CBLB: variants seen among roughly 807,000 people sequenced by gnomAD.
The protein encoded by CBLB is E3 ubiquitin-protein ligase CBL-B.
A neutral mutation model predicts 104.9 loss-of-function variants in CBLB; 31 were observed. The observed-to-expected ratio is 0.30, with a 90% CI of 0.22 to 0.40. CBLB has a LOEUF of 0.40. CBLB is among the 10% of genes least tolerant of loss of function. The pLI is 1.00. For missense variants in CBLB, 1,062 were observed against 1,214.6 expected, an observed-to-expected ratio of 0.87 and a Z score of 1.87; for synonymous variants, 440 against 422.6, an observed-to-expected ratio of 1.04 and a Z score of -0.51.
chr3:105,764,363 G>A (rs1442329756), intron 4 of CBLB, among the ~76,000 whole-genome samples: 2 of 152,162 alleles, frequency 1.3e-5, no homozygotes, highest in African/African-American at 4.8e-5. Flanking sequence ...TGGCACACAG[G>A]TCTAGCCAAT....
chr3:105,663,719 G>A (rs993559189), intron 18 of CBLB, among the ~76,000 whole-genome samples: 2 of 152,048 alleles, frequency 1.3e-5, no homozygotes, highest in East Asian at 3.9e-4. Flanking sequence ...GATTACTCTA[G>A]GTCATACATT....
At chr3:105,846,133 T>A (rs1438444769) in intron 3 of CBLB, among the ~76,000 whole-genome samples, 1 of 152,080 alleles carries the variant, frequency 6.6e-6, no homozygotes, top group Non-Finnish European at 1.5e-5. Context: ...ATGTATATGT[T>A]TATATCAAAA....
intron 3 of CBLB, among the ~76,000 whole-genome samples, chr3:105,848,752 G>C (rs2090590255): frequency 6.6e-6 from 1 of 152,058 alleles, no homozygotes; most frequent in Non-Finnish European, 1.5e-5. Context: ...TACTATTACT[G>C]TCCTTCATTT....
intron 10 of CBLB, among the ~76,000 whole-genome samples, chr3:105,704,842 T>G (rs116158643): frequency 6.6e-6 from 1 of 152,156 alleles, no homozygotes; most frequent in East Asian, 1.9e-4. Flanking sequence ...TATTGTCTGG[T>G]AGATAAAGTA....
chr3:105,820,285 T>G (rs1342458088), intron 3 of CBLB, among the ~76,000 whole-genome samples: 2 of 152,170 alleles, frequency 1.3e-5, no homozygotes, highest in Non-Finnish European at 2.9e-5. Context: ...TCAATACAGA[T>G]GAAGCTGCCT....
chr3:105,713,296 T>C (rs530992790), intron 10 of CBLB, among the ~76,000 whole-genome samples: 2 of 151,096 alleles, frequency 1.3e-5, no homozygotes, highest in South Asian at 2.1e-4. Flanking sequence ...AGATACTAAG[T>C]AGGAAAACTA....
At chr3:105,758,349 T>C (rs187071629) in intron 4 of CBLB, among the ~76,000 whole-genome samples, 183 of 152,324 alleles carry the variant, frequency 1.2e-3, no homozygotes, top group African/African-American at 4.2e-3. Flanking sequence ...CCTGACACGA[T>C]AAAGACACAG....
intron 3 of CBLB, among the ~76,000 whole-genome samples, chr3:105,799,732 T>C (rs1048819639): frequency 3.3e-5 from 5 of 152,168 alleles, no homozygotes; most frequent in Non-Finnish European, 5.9e-5. Flanking sequence ...ATTCCTGCTA[T>C]AGAAATAGTG....
Position 105,868,041 on chromosome 3 carries a change from C to G in CBLB, c.-14-450G>C, listed in dbSNP as rs372074983. ...CTTACGCAGAAACTTCACTTTCACT[C>G]TGTTAGATTTCTCCAAGTTACATAA... On this transcript the variant is annotated intron_variant, in intron 1 of 18. Transcript: ENST00000394030. 287 of 486,370 alleles carry G rather than the reference C, an allele frequency of 5.9e-4. 7 individuals are homozygous for G. The South Asian group carries it at 0.014, about 24-fold the overall frequency. The allele number at this position is 486,370 out of a possible 1,614,324, so 30.1% of individuals were successfully genotyped here.
chr3:105,767,614 CAA>C (rs1416997423), intron 4 of CBLB, among the ~76,000 whole-genome samples: 2 of 144,164 alleles, frequency 1.4e-5, no homozygotes, highest in Admixed American at 7.1e-5. Flanking sequence ...TTCCATCATA[CAA>C]AGTCAAATGT....
intron 7 of CBLB, among the ~76,000 whole-genome samples, chr3:105,739,062 C>T (rs935957877): frequency 1.3e-5 from 2 of 152,078 alleles, no homozygotes; most frequent in Admixed American, 1.3e-4. Flanking sequence ...CACGCGCCAC[C>T]ATGCCCAGCT....
rs542952599 is a variant in CBLB at position 105,702,363 on chromosome 3, G to T, written c.1690C>A (p.Pro564Thr). Reference sequence around the variant, plus strand: ...CTCAGTCTATTGTCTGGTGGGATTGGTGGAGGTCTTTCAGGTGGCGGTGGA... The same window carrying T: ...CTCAGTCTATTGTCTGGTGGGATTGTTGGAGGTCTTTCAGGTGGCGGTGGA... ...PPPPPPERPP[P>T]IPPDNRLSRH... The change falls in exon 12 of 19, where the codon CCA becomes ACA. Residue 564 changes from proline to threonine, a missense_variant. Transcript: ENST00000394030. 6.2e-7 allele frequency: 1 copy of T among 1,613,512 alleles called. No individual in the cohort carries two copies. The highest frequency in any genetic ancestry group is 8.5e-7 in the Non-Finnish European group (1 of 1,179,892).
intron 2 of CBLB, among the ~76,000 whole-genome samples, chr3:105,858,048 T>C (rs912438273): frequency 2.6e-5 from 4 of 152,148 alleles, no homozygotes; most frequent in Admixed American, 1.3e-4. Flanking sequence ...ATGCAGTTAT[T>C]CTAAAAGATC....
intron 3 of CBLB, among the ~76,000 whole-genome samples, chr3:105,821,782 C>A (rs2085899969): frequency 6.6e-6 from 1 of 152,160 alleles, no homozygotes; most frequent in African/African-American, 2.4e-5. Context: ...CATTTCATAT[C>A]TTTACCCAAC....
chr3:105,715,395 G>GT (rs2152815379), intron 10 of CBLB, among the ~76,000 whole-genome samples: 1 of 152,308 alleles, frequency 6.6e-6, no homozygotes, highest in South Asian at 2.1e-4. Context: ...TATTGCTTCT[G>GT]TAAGGATTAG....
rs762704280 is a variant in CBLB, at chr3:105,704,021, T to G, written c.1560A>C (p.Arg520Ser). 10 of 1,614,120 alleles carry G rather than the reference T, an allele frequency of 6.2e-6. No individual in the cohort carries two copies. In the Admixed American group the frequency reaches 1.7e-4, roughly 27 times the overall value. ...AACCCGTTGGGCTGCCACAGGGAGATCTAACTATGCCTTTCTGAATTAGAT... is the reference window on the plus strand; with the variant it reads ...AACCCGTTGGGCTGCCACAGGGAGAGCTAACTATGCCTTTCTGAATTAGAT... The part of the protein sequence containing the change: ...RLDLIQKGIV[R>S]SPCGSPTGSP... Residue 520 changes from arginine (R) to serine (S), a missense_variant, in exon 11 of 19, where the codon AGA becomes AGC. By Grantham distance (110) the Arg-to-Ser change is moderately radical. Coordinates refer to ENST00000394030, the MANE Select transcript of CBLB (RefSeq NM_170662.5).
intron 2 of CBLB, among the ~76,000 whole-genome samples, chr3:105,860,182 C>G (rs2091977870): frequency 6.6e-6 from 1 of 152,274 alleles, no homozygotes; most frequent in African/African-American, 2.4e-5. Context: ...TAATATGGAA[C>G]TTTGCATATA....
intron 17 of CBLB, among the ~76,000 whole-genome samples, chr3:105,678,075 T>C (rs1030874417): frequency 2.6e-5 from 4 of 152,168 alleles, no homozygotes; most frequent in Admixed American, 2.6e-4. Context: ...AACATTGCAT[T>C]GGGAATCGGA....
intron 6 of CBLB, among the ~76,000 whole-genome samples, chr3:105,742,183 C>T (rs1057091089): frequency 1.3e-5 from 2 of 152,162 alleles, no homozygotes; most frequent in Admixed American, 1.3e-4. Context: ...AACAAACCAA[C>T]TTAAATCTGT....
Sources: gnomAD v4.1 joint callset for allele counts (sites outside exome capture counted in the v4.1 genomes callset) on GRCh38, gnomAD v4.1.1 for gene constraint, MANE v1.5 for transcripts, NCBI Gene and HGNC (gene_info 2026-07-23, HGNC 2026-07-21) for gene names.